RHBDL3: variants seen among roughly 807,000 people sequenced by gnomAD.
RHBDL3 encodes rhomboid like 3.
RHBDL3 carries 28 observed loss-of-function variants against 48.2 expected under a neutral mutation model. The observed-to-expected ratio is 0.58, with a 90% CI of 0.43 to 0.80. The LOEUF is 0.80. Ranked by LOEUF, RHBDL3 falls within the 30% of genes least tolerant of loss-of-function variation. The pLI is 0.00. For synonymous variants in RHBDL3, 208 were observed against 232.3 expected, an observed-to-expected ratio of 0.90 and a Z score of 0.95; for missense variants, 464 against 542.7, an observed-to-expected ratio of 0.85 and a Z score of 1.44.
chr17:32,300,553 C>CA (rs2040558114), intron 6 of RHBDL3, among the ~76,000 whole-genome samples: 1 of 151,474 alleles, frequency 6.6e-6, no homozygotes, highest in African/African-American at 2.4e-5. Flanking sequence ...GAACCTGTCT[C>CA]AAAAAAGAAA....
intron 7 of RHBDL3, among the ~76,000 whole-genome samples, 199 bp downstream of exon 7, chr17:32,305,640 C>T (rs1032973796): frequency 4.6e-5 from 7 of 152,160 alleles, no homozygotes; most frequent in African/African-American, 9.7e-5. Flanking sequence ...TCTCCAGTCA[C>T]GGCTTGGCCT....
chr17:32,318,416 CACCTGAGG>C (rs1567792251), intron 8 of RHBDL3, among the ~76,000 whole-genome samples: 7 of 47,012 alleles, frequency 1.5e-4, no homozygotes, highest in Middle Eastern at 9.8e-3. Context: ...GCGAGTAGAT[CACCTGAGG>C]TCAGGAATTC....
chr17:32,313,740 G>C (rs1330270280), intron 7 of RHBDL3, among the ~76,000 whole-genome samples: 1 of 140,916 alleles, frequency 7.1e-6, no homozygotes, highest in East Asian at 2.0e-4. Flanking sequence ...ACATGGGTCA[G>C]AATTCCCTCC....
chr17:32,292,121 A>G (rs1328668222), intron 4 of RHBDL3, among the ~76,000 whole-genome samples: 1 of 152,154 alleles, frequency 6.6e-6, no homozygotes, highest in African/African-American at 2.4e-5. Context: ...TTAAGAACAC[A>G]GGGACGTAAA....
chr17:32,294,422 A>G lies in RHBDL3; in HGVS notation c.648A>G (p.Thr216=). 1 of 1,614,104 alleles carries G rather than the reference A, an allele frequency of 6.2e-7. No homozygotes were observed. The highest frequency in any genetic ancestry group is 8.5e-7 in the Non-Finnish European group (1 of 1,179,986). ...QLRAQVWRYL[T]YIFMHAGIEH... The stretch of plus-strand genomic sequence containing the variant: ...GAGCACAGGTTTGGCGCTACCTGAC[A>G]TACATCTTCATGCATGCAGGGTGAG... The change falls in exon 5 of 9, where the codon ACA becomes ACG. Residue 216 remains threonine, a synonymous_variant. Coordinates refer to ENST00000269051, the MANE Select transcript of RHBDL3 (RefSeq NM_138328.3).
intron 7 of RHBDL3, among the ~76,000 whole-genome samples, chr17:32,307,228 G>C (rs1212112026): frequency 6.6e-6 from 1 of 152,134 alleles, no homozygotes; most frequent in Admixed American, 6.5e-5. Context: ...CCAGTACCTG[G>C]CATATGGCTG....
chr17:32,321,203 G>T lies in RHBDL3; in HGVS notation c.1189G>T (p.Asp397Tyr). The T allele has an allele frequency of 1.2e-6, 2 of 1,614,230 alleles. No homozygotes were observed. Among genetic ancestry groups the T allele is most frequent in the East Asian group, 2.2e-5 (1 of 44,884 alleles). ...FWNIFAYTLL[D>Y]LKLPPPP is the part of the protein sequence containing the mutation. ...GAACATCTTTGCCTACACCCTGCTGGACTTAAAGCTGCCGCCTCCCCCCTG... is the reference window on the plus strand; with the variant it reads ...GAACATCTTTGCCTACACCCTGCTGTACTTAAAGCTGCCGCCTCCCCCCTG... Residue 397 changes from aspartate to tyrosine, a missense_variant, in exon 9 of 9, where the codon GAC (aspartate) becomes TAC (tyrosine). Physicochemically the swap from Asp to Tyr is radical, Grantham distance 160 (BLOSUM62 -3). Transcript: ENST00000269051.
At chr17:32,308,618 A>G (rs1049180460) in intron 7 of RHBDL3, among the ~76,000 whole-genome samples, 1 of 152,206 alleles carries the variant, frequency 6.6e-6, no homozygotes, top group Non-Finnish European at 1.5e-5. Flanking sequence ...TGTCTCAAAA[A>G]AAAGAAAGAA....
At position 32,298,336 on chromosome 17, in the gene RHBDL3, C is replaced by G. The variant is rs1377500142; in HGVS notation, c.781+132C>G. On this transcript the variant is annotated intron_variant, in intron 6 of 8. Transcript: ENST00000269051. ...TCATCTCCAAGGCTCCTGACTTAAC[C>G]AGGCTGTCCTCCAGGCACACCCACC... 3 of 590,830 alleles carry G rather than the reference C, an allele frequency of 5.1e-6. No homozygotes were observed. In the East Asian group the frequency reaches 8.8e-5, roughly 17 times the overall value. 36.6% of individuals were successfully genotyped at this position (590,830 alleles called of 1,614,324 possible).
Position 32,288,912 on chromosome 17 carries a change from G to T in RHBDL3, c.415G>T (p.Val139Leu), listed in dbSNP as rs573182774. The change falls in exon 4 of 9, where the codon GTG becomes TTG. Residue 139 changes from valine (V) to leucine (L), a missense_variant. Coordinates refer to ENST00000269051, the MANE Select transcript of RHBDL3 (RefSeq NM_138328.3). ...CCTCTCGCAGCGACTTATCCGCCAT[G>T]TGGCCTATGAGACCCTGCCCCGGGA... ...LSLSQRLIRH[V>L]AYETLPREID... 4 of 1,614,254 alleles carry T rather than the reference G, an allele frequency of 2.5e-6. No homozygotes were observed. Among genetic ancestry groups the T allele is most frequent in the East Asian group, 2.2e-5 (1 of 44,874 alleles).
chr17:32,296,883 G>A (rs1439929147), intron 5 of RHBDL3, among the ~76,000 whole-genome samples: 2 of 150,716 alleles, frequency 1.3e-5, no homozygotes, highest in African/African-American at 2.4e-5. Context: ...GTGCGATCTC[G>A]GCTCACTGCA....
intron 6 of RHBDL3, among the ~76,000 whole-genome samples, chr17:32,299,692 A>G (rs1337155894): frequency 6.6e-6 from 1 of 152,206 alleles, no homozygotes; most frequent in Non-Finnish European, 1.5e-5. Flanking sequence ...GGTGACATGC[A>G]GTGGGGAGAC....
At chr17:32,298,071 A>C in intron 5 of RHBDL3, 21 bp from the exon 6 acceptor site, 1 of 1,460,608 alleles carries the variant, frequency 6.8e-7, no homozygotes, top group South Asian at 1.1e-5. Flanking sequence ...TGAATGAGTG[A>C]GTGTGGTCTC....
intron 7 of RHBDL3, among the ~76,000 whole-genome samples, chr17:32,312,771 G>T (rs2040875455): frequency 6.6e-6 from 1 of 152,008 alleles, no homozygotes; most frequent in South Asian, 2.1e-4. Context: ...GCCTGCGTCA[G>T]CCTCCCAAAG....
rs1423659073 is a variant in RHBDL3 at position 32,294,452 on chromosome 17, T to G, written c.668+10T>G. ...TCTTCATGCATGCAGGGTGAGTACC[T>G]GTCTTCTTTTGCTCTGTCAAAAGAC... On this transcript the variant is annotated intron_variant, in intron 5 of 8. Transcript: ENST00000269051. The G allele has an allele frequency of 6.2e-7, 1 of 1,611,694 alleles. No homozygotes were observed. The highest frequency in any genetic ancestry group is 1.3e-5 in the African/African-American group (1 of 74,950).
intron 2 of RHBDL3, among the ~76,000 whole-genome samples, chr17:32,273,809 C>T (rs1272889500): frequency 6.6e-6 from 1 of 152,224 alleles, no homozygotes; most frequent in African/African-American, 2.4e-5. Flanking sequence ...AATCTCAGCT[C>T]ACTGCAACCT....
rs374648418 is a variant in RHBDL3 at position 32,317,265 on chromosome 17, A to C, written c.943+973A>C. ...CCCAGATCAAGACAAATAACTTCCTAACCTTTTTGGTCATGGAACTGATCC... is the reference window on the plus strand; with the variant it reads ...CCCAGATCAAGACAAATAACTTCCTCACCTTTTTGGTCATGGAACTGATCC... On this transcript the variant is annotated intron_variant, in intron 8 of 8. Coordinates refer to ENST00000269051, the MANE Select transcript of RHBDL3 (RefSeq NM_138328.3). Among the ~76,000 whole-genome samples, 49 of 152,302 alleles carry C rather than the reference A, an allele frequency of 3.2e-4. No homozygotes were observed. In the Middle Eastern group the frequency reaches 0.01, roughly 32 times the overall value.
At chr17:32,290,764 A>G (rs2040306245) in intron 4 of RHBDL3, among the ~76,000 whole-genome samples, 1 of 152,162 alleles carries the variant, frequency 6.6e-6, no homozygotes. Flanking sequence ...GCACTTTGGG[A>G]GGTCAGGGTG....
intron 2 of RHBDL3, among the ~76,000 whole-genome samples, chr17:32,276,666 A>C (rs2039906933): frequency 6.6e-6 from 1 of 151,256 alleles, no homozygotes; most frequent in Non-Finnish European, 1.5e-5. Flanking sequence ...CTAGCACCGG[A>C]CTCCAGCGCT....
Sources: allele counts gnomAD v4.1 joint callset (sites outside exome capture counted in the v4.1 genomes callset), GRCh38; gene constraint gnomAD v4.1.1; transcripts MANE v1.5; gene names NCBI Gene and HGNC (gene_info 2026-07-23, HGNC 2026-07-21).